The following CSMD1 variants were observed in gnomAD, a reference collection of about 807,000 sequenced individuals.
CSMD1 encodes CUB and sushi domain-containing protein 1.
In CSMD1, 213 loss-of-function variants were observed where a neutral mutation model predicts 417.5. That is an observed-to-expected ratio of 0.51 (90% CI 0.46 to 0.57). The LOEUF (loss-of-function observed/expected upper bound fraction) is 0.57, where lower values mean the gene tolerates loss of function less well. Among genes scored for constraint, CSMD1 ranks in the 20% least tolerant of loss-of-function variants. The pLI is 0.00. For synonymous variants in CSMD1, 2,862 were observed against 1,736.8 expected, an observed-to-expected ratio of 1.65 and a Z score of -16.11; for missense variants, 6,923 against 4,529.7, an observed-to-expected ratio of 1.53 and a Z score of -15.17.
At position 3,324,689 on chromosome 8, in the gene CSMD1, C is replaced by T. The variant is rs146863559; in HGVS notation, c.3632-16186G>A. ...AGTGAGTTTCCTTCACCCCACTTTT[C>T]GTCACTGTTAAAATAGGCCCACATC... On this transcript the variant is annotated intron_variant, in intron 23 of 69. Transcript: ENST00000635120. Among the ~76,000 whole-genome samples, 1,192 of 151,140 alleles carry T rather than the reference C, an allele frequency of 7.9e-3. 18 individuals carry two copies. Among genetic ancestry groups the T allele is most frequent in the African/African-American group, 0.027 (1,119 of 41,126 alleles).
chr8:4,465,291 C>G (rs895647808), intron 2 of CSMD1, among the ~76,000 whole-genome samples: 1 of 152,142 alleles, frequency 6.6e-6, no homozygotes, highest in Non-Finnish European at 1.5e-5. Flanking sequence ...GGTGCTAACC[C>G]AGACACTAGG....
intron 1 of CSMD1, among the ~76,000 whole-genome samples, chr8:4,783,030 G>A (rs888218179): frequency 6.0e-5 from 9 of 151,252 alleles, no homozygotes; most frequent in African/African-American, 2.2e-4. Context: ...GGAAATGGTA[G>A]CATTAACTCT....
chr8:3,836,392 G>C (rs3109665), intron 5 of CSMD1, among the ~76,000 whole-genome samples: 6 of 152,066 alleles, frequency 3.9e-5, no homozygotes, highest in African/African-American at 1.4e-4. Context: ...TAAATACAAA[G>C]ATGTTTTCTT....
intron 6 of CSMD1, among the ~76,000 whole-genome samples, chr8:3,745,928 G>C (rs1384528410): frequency 6.6e-6 from 1 of 152,222 alleles, no homozygotes; most frequent in Non-Finnish European, 1.5e-5. Context: ...CACAGCAGCA[G>C]GCCGGGGGGA....
intron 1 of CSMD1, among the ~76,000 whole-genome samples, chr8:4,798,318 A>G (rs185643568): frequency 2.6e-4 from 39 of 152,264 alleles, no homozygotes; most frequent in Admixed American, 2.2e-3. Context: ...AGCTTCATCC[A>G]TGTCCCTACA....
chr8:4,464,421 C>G (rs888276098), intron 2 of CSMD1, among the ~76,000 whole-genome samples: 1 of 152,164 alleles, frequency 6.6e-6, no homozygotes, highest in Non-Finnish European at 1.5e-5. Context: ...TTAGCCTTGC[C>G]TACCTTAAAC....
intron 5 of CSMD1, among the ~76,000 whole-genome samples, chr8:3,951,478 C>A (rs1248556690): frequency 6.6e-6 from 1 of 152,062 alleles, no homozygotes; most frequent in African/African-American, 2.4e-5. Context: ...TGTGGGATTC[C>A]AACTGCTTGA....
At chr8:3,199,600 A>G (rs1036186781) in intron 33 of CSMD1, 114 bp downstream of exon 33, 1 of 478,492 alleles carries the variant, frequency 2.1e-6, no homozygotes, top group Non-Finnish European at 3.6e-6. Flanking sequence ...TCAGCTCCTT[A>G]AATATTACAA....
intron 5 of CSMD1, among the ~76,000 whole-genome samples, chr8:3,797,489 T>C (rs1464679218): frequency 1.3e-5 from 2 of 151,980 alleles, no homozygotes; most frequent in East Asian, 3.8e-4. Flanking sequence ...ATTCATTACA[T>C]CTGATCTTTA....
At chr8:3,975,734 A>T (rs747036732) in intron 5 of CSMD1, among the ~76,000 whole-genome samples, 2 of 152,234 alleles carry the variant, frequency 1.3e-5, no homozygotes, top group South Asian at 2.1e-4. Context: ...TGCAAACTTT[A>T]AAATAAAACA....
chr8:4,346,964 C>G (rs951050497), intron 3 of CSMD1, among the ~76,000 whole-genome samples: 2 of 152,150 alleles, frequency 1.3e-5, no homozygotes, highest in African/African-American at 4.8e-5. Context: ...ACATTCAACT[C>G]TCTTGTAATG....
chr8:3,182,120 G>T (rs17079559), intron 36 of CSMD1, among the ~76,000 whole-genome samples: 1 of 152,132 alleles, frequency 6.6e-6, no homozygotes, highest in African/African-American at 2.4e-5. Flanking sequence ...TGTATAAAGG[G>T]AGAAATGATA....
intron 3 of CSMD1, among the ~76,000 whole-genome samples, chr8:4,102,178 T>A (rs1427163797): frequency 6.6e-6 from 1 of 152,218 alleles, no homozygotes; most frequent in African/African-American, 2.4e-5. Context: ...TTTGTTTTTC[T>A]GTGTTAAATG....
At chr8:3,303,269 T>C (rs964528085) in intron 25 of CSMD1, among the ~76,000 whole-genome samples, 1 of 152,164 alleles carries the variant, frequency 6.6e-6, no homozygotes, top group Non-Finnish European at 1.5e-5. Context: ...TTCTCTTAAG[T>C]GTATTTCCTA....
At chr8:3,363,655 G>C (rs1809351780) in intron 20 of CSMD1, among the ~76,000 whole-genome samples, 1 of 152,168 alleles carries the variant, frequency 6.6e-6, no homozygotes, top group Non-Finnish European at 1.5e-5. Flanking sequence ...AGTCTCCTGA[G>C]TAGCTGCGAC....
chr8:4,803,257 T>C (rs1798405214), intron 1 of CSMD1, among the ~76,000 whole-genome samples: 1 of 152,220 alleles, frequency 6.6e-6, no homozygotes, highest in Non-Finnish European at 1.5e-5. Flanking sequence ...TATGGTTTAC[T>C]GAGAAATGTT....
intron 1 of CSMD1, among the ~76,000 whole-genome samples, chr8:4,666,828 T>C (rs1033477084): frequency 4.6e-5 from 7 of 152,204 alleles, no homozygotes; most frequent in African/African-American, 1.7e-4. Context: ...CGGTGTGTTT[T>C]GAAGAGCAGA....
chr8:3,252,107 T>G (rs149503360), intron 26 of CSMD1, among the ~76,000 whole-genome samples: 44,148 of 152,120 alleles, frequency 0.29, 6,615 homozygotes, highest in African/African-American at 0.33. Context: ...TGTTGAATAG[T>G]AGTGGTGAGA....
chr8:4,180,490 G>A (rs544364053), intron 3 of CSMD1, among the ~76,000 whole-genome samples: 116 of 151,592 alleles, frequency 7.7e-4, no homozygotes, highest in Middle Eastern at 3.4e-3. Context: ...TGACGAGTTA[G>A]TGGGTGCAGC....
Sources: allele counts gnomAD v4.1 joint callset (sites outside exome capture counted in the v4.1 genomes callset), GRCh38; gene constraint gnomAD v4.1.1; transcripts MANE v1.5; gene names NCBI Gene and HGNC (gene_info 2026-07-23, HGNC 2026-07-21).